Variants in PARD3B observed in about 807,000 individuals in gnomAD.
The protein encoded by PARD3B is partitioning defective 3 homolog B.
Under a neutral mutation model 130.2 loss-of-function variants are expected in PARD3B, and 103 were observed. That is an observed-to-expected ratio of 0.79 (90% confidence interval 0.67 to 0.93). PARD3B has a LOEUF of 0.93. Among genes scored for constraint, PARD3B ranks in the 40% least tolerant of loss-of-function variants. PARD3B has a pLI of 0.00. For synonymous variants in PARD3B, 583 were observed against 553.2 expected, an observed-to-expected ratio of 1.05 and a Z score of -0.76; for missense variants, 1,609 against 1,499.2, an observed-to-expected ratio of 1.07 and a Z score of -1.21.
At chr2:205,272,258 G>C (rs1397398944) in intron 16 of PARD3B, among the ~76,000 whole-genome samples, 1 of 151,648 alleles carries the variant, frequency 6.6e-6, no homozygotes, top group African/African-American at 2.4e-5. Flanking sequence ...GATTTTTCAA[G>C]GTAAATATGG....
At chr2:204,701,002 G>T (rs971864885) in intron 2 of PARD3B, among the ~76,000 whole-genome samples, 6 of 152,008 alleles carry the variant, frequency 3.9e-5, no homozygotes, top group African/African-American at 9.7e-5. Flanking sequence ...ATTATTAAAA[G>T]TTGGGCATAT....
chr2:205,337,202 T>G (rs1415409732), intron 18 of PARD3B, among the ~76,000 whole-genome samples: 6 of 152,198 alleles, frequency 3.9e-5, no homozygotes, highest in African/African-American at 1.4e-4. Context: ...CAACACAGTT[T>G]GGTGAAGACA....
intron 1 of PARD3B, among the ~76,000 whole-genome samples, chr2:204,679,661 CAATTTTTTTTT>C (rs887225003): frequency 2.0e-5 from 3 of 150,396 alleles, no homozygotes; most frequent in Non-Finnish European, 2.9e-5. Flanking sequence ...GTAAATGTTA[CAATTTTTTTTT>C]AATTTTTTTT....
At position 204,678,696 on chromosome 2, in the gene PARD3B, C is replaced by G. The variant is rs1041956735; in HGVS notation, c.121-7485C>G. Reference sequence around the variant, plus strand: ...CTCCTCTCGATGTTCAGCCGCTTGTCTCTCTGCCAGCTGAGCTCTGAGGTT... The same window carrying G: ...CTCCTCTCGATGTTCAGCCGCTTGTGTCTCTGCCAGCTGAGCTCTGAGGTT... On this transcript the variant is annotated intron_variant, in intron 1 of 22. Transcript: ENST00000406610. The surrounding 1 kb of genome is among the most constrained non-coding windows in gnomAD (Gnocchi z 4.2). Among the ~76,000 whole-genome samples the G allele has an allele frequency of 5.9e-5, 9 of 152,030 alleles. No homozygotes were observed. The highest frequency in any genetic ancestry group is 8.8e-5 in the Non-Finnish European group (6 of 68,006).
intron 1 of PARD3B, among the ~76,000 whole-genome samples, chr2:204,553,466 A>G (rs1289090410): frequency 6.6e-6 from 1 of 151,016 alleles, no homozygotes; most frequent in Non-Finnish European, 1.5e-5. Context: ...TTAGCAGCAC[A>G]CTTTGCAACT....
chr2:205,553,855 T>A (rs2052760072), intron 22 of PARD3B, among the ~76,000 whole-genome samples: 1 of 152,180 alleles, frequency 6.6e-6, no homozygotes, highest in Non-Finnish European at 1.5e-5. Context: ...ATTTAGAATC[T>A]GACCTTGTTC....
chr2:204,652,838 T>C (rs1209416908), intron 1 of PARD3B, among the ~76,000 whole-genome samples: 1 of 151,098 alleles, frequency 6.6e-6, no homozygotes, highest in Non-Finnish European at 1.5e-5. Context: ...GTGACAGGGA[T>C]GCAAGCACAT....
At chr2:204,570,532 T>C (rs966338638) in intron 1 of PARD3B, among the ~76,000 whole-genome samples, 6 of 152,174 alleles carry the variant, frequency 3.9e-5, no homozygotes, top group Admixed American at 3.9e-4. Flanking sequence ...TGGGGACCTC[T>C]CAAAAATACG....
intron 2 of PARD3B, among the ~76,000 whole-genome samples, chr2:204,926,950 T>A (rs147058933): frequency 6.6e-6 from 1 of 152,198 alleles, no homozygotes; most frequent in East Asian, 1.9e-4. Flanking sequence ...CTAACACAAA[T>A]GATTTTTATC....
At chr2:204,912,003 A>G (rs1231284084) in intron 2 of PARD3B, among the ~76,000 whole-genome samples, 2 of 152,142 alleles carry the variant, frequency 1.3e-5, no homozygotes, top group East Asian at 3.9e-4. Flanking sequence ...ATTTAAACAA[A>G]CATGTTATTA....
intron 1 of PARD3B, among the ~76,000 whole-genome samples, chr2:204,661,203 TC>T (rs1346159364): frequency 6.6e-6 from 1 of 152,120 alleles, no homozygotes; most frequent in Non-Finnish European, 1.5e-5. Context: ...CCTTCCTCTT[TC>T]CCCATCTCAA....
At chr2:204,836,275 T>C (rs1462289052) in intron 2 of PARD3B, among the ~76,000 whole-genome samples, 2 of 152,324 alleles carry the variant, frequency 1.3e-5, no homozygotes, top group East Asian at 3.9e-4. Flanking sequence ...GAAATAAGAA[T>C]TTTACATCTC....
chr2:204,681,195 C>A (rs77022920), intron 1 of PARD3B, among the ~76,000 whole-genome samples: 2 of 152,242 alleles, frequency 1.3e-5, no homozygotes, highest in African/African-American at 4.8e-5. Context: ...ATTAATACTT[C>A]TTTCCTTGAA....
rs1482054437 is a variant in PARD3B, at chr2:204,994,858, C to G, written c.394+29535C>G. Among the ~76,000 whole-genome samples, 5 of 151,644 alleles carry G rather than the reference C, an allele frequency of 3.3e-5. No homozygotes were observed. The South Asian group carries it at 6.3e-4, about 19-fold the overall frequency. ...AATGGCCTTCTTTGTCTCTTTTGATCTTTGTTGGTTTAAAGTCTGTTTAAT... is the reference window on the plus strand; with the variant it reads ...AATGGCCTTCTTTGTCTCTTTTGATGTTTGTTGGTTTAAAGTCTGTTTAAT... On this transcript the variant is annotated intron_variant, in intron 3 of 22. Transcript: ENST00000406610.
At chr2:205,412,872 G>T (rs1559069721) in intron 19 of PARD3B, among the ~76,000 whole-genome samples, 1 of 151,950 alleles carries the variant, frequency 6.6e-6, no homozygotes, top group East Asian at 1.9e-4. Flanking sequence ...ACCTATCCTG[G>T]GTCAAGTTGC....
intron 2 of PARD3B, among the ~76,000 whole-genome samples, chr2:204,961,795 C>G (rs758417167): frequency 2.3e-4 from 35 of 152,182 alleles, no homozygotes; most frequent in Non-Finnish European, 8.8e-5. Flanking sequence ...CACCTGTGTC[C>G]TGAAGTAAAG....
chr2:205,473,691 T>C lies in PARD3B; in HGVS notation c.3045-26205T>C, dbSNP rs2048923635. The stretch of plus-strand genomic sequence containing the variant: ...GTGTGTGTGTGTGTGTATGTATATA[T>C]ATATATATATATATATATACACACA... On this transcript the variant is annotated intron_variant, in intron 20 of 22. Coordinates refer to ENST00000406610, the MANE Select transcript of PARD3B (RefSeq NM_001302769.2). The surrounding 1 kb of genome is among the most constrained non-coding windows in gnomAD (Gnocchi z 4.9). 7.7e-6 allele frequency among the ~76,000 whole-genome samples: 1 copy of C among 130,612 alleles called. No individual in the cohort carries two copies. The highest frequency in any genetic ancestry group is 2.0e-4 in the East Asian group (1 of 5,038). 85.7% of individuals were successfully genotyped at this position (130,612 alleles called of 152,430 possible). A position where few individuals can be genotyped will look rare whatever the true frequency, so the allele number is the denominator to read the frequency against.
chr2:205,139,944 T>C (rs1286679971), intron 10 of PARD3B, among the ~76,000 whole-genome samples: 1 of 151,988 alleles, frequency 6.6e-6, no homozygotes, highest in Non-Finnish European at 1.5e-5. Flanking sequence ...CTTTAACCTG[T>C]AGGGTTTCTT....
In PARD3B at chr2:205,229,328, A is replaced by T. The variant is rs978846905; in HGVS notation, c.2141-16450A>T. On this transcript the variant is annotated intron_variant, in intron 15 of 22. Coordinates refer to ENST00000406610, the MANE Select transcript of PARD3B (RefSeq NM_001302769.2). The surrounding 1 kb of genome is among the most constrained non-coding windows in gnomAD (Gnocchi z 5.2). ...CAAGGGAATTGAGTGTTGTGACCTT[A>T]ATCTTCGGCCCCTGCAACCATAACT... is the stretch of plus-strand genomic sequence containing the variant. Among the ~76,000 whole-genome samples the T allele has an allele frequency of 6.6e-6, 1 of 152,124 alleles. No individual in the cohort carries two copies. Among genetic ancestry groups the T allele is most frequent in the Admixed American group, 6.5e-5 (1 of 15,286 alleles).
Sources: gnomAD v4.1 joint callset for allele counts (sites outside exome capture counted in the v4.1 genomes callset) on GRCh38, gnomAD v4.1.1 for gene constraint, Gnocchi (gnomAD v3.1) non-coding constraint, MANE v1.5 for transcripts, NCBI Gene and HGNC (gene_info 2026-07-23, HGNC 2026-07-21) for gene names.